The following AOPEP variants were observed in gnomAD, a reference collection of about 807,000 sequenced individuals.
AOPEP encodes aminopeptidase O (putative).
Under a neutral mutation model 98.1 loss-of-function variants are expected in AOPEP, and 77 were observed. The ratio of observed to expected loss-of-function variants is 0.78; its 90% CI spans 0.65 to 0.95. The LOEUF is 0.95. AOPEP is among the 40% of genes least tolerant of loss of function. The pLI is 0.00. For missense variants in AOPEP, 1,024 were observed against 1,024.7 expected (o/e 1.00, Z 0.01); for synonymous variants, 346 against 365.3 (o/e 0.95, Z 0.60).
At chr9:95,015,323 T>C (rs2062884975) in intron 13 of AOPEP, among the ~76,000 whole-genome samples, 1 of 152,224 alleles carries the variant, frequency 6.6e-6, no homozygotes, top group Non-Finnish European at 1.5e-5. Context: ...GTTTTGCAAG[T>C]AAAGCTGGAA....
At chr9:94,728,622 A>G (rs1160204954) in intron 1 of AOPEP, among the ~76,000 whole-genome samples, 1 of 152,198 alleles carries the variant, frequency 6.6e-6, no homozygotes. Flanking sequence ...AGAGACTGGA[A>G]CATTCACATT....
At chr9:95,038,976 A>G (rs1040327767) in intron 13 of AOPEP, among the ~76,000 whole-genome samples, 6 of 152,158 alleles carry the variant, frequency 3.9e-5, no homozygotes, top group African/African-American at 1.2e-4. Context: ...AAATTTGGCA[A>G]TCGAAATGAT....
chr9:95,045,906 T>A (rs972734497), intron 13 of AOPEP, among the ~76,000 whole-genome samples: 5 of 152,144 alleles, frequency 3.3e-5, no homozygotes, highest in Non-Finnish European at 7.4e-5. Flanking sequence ...GTTCGGGGAT[T>A]TGCTTTGGAA....
At chr9:94,952,618 C>T (rs990608356) in intron 7 of AOPEP, among the ~76,000 whole-genome samples, 3 of 152,182 alleles carry the variant, frequency 2.0e-5, no homozygotes, top group Non-Finnish European at 4.4e-5. Context: ...TTCTCCGGTA[C>T]TTTGTCTCTC....
Position 95,030,885 on chromosome 9 carries a change from T to G in AOPEP, c.2115+25269T>G, listed in dbSNP as rs544824355. On this transcript the variant is annotated intron_variant, in intron 13 of 16. Transcript: ENST00000375315. ...CTGAAATGGATACTCAACTTATTTC[T>G]AAGAAACATGCAGTTACACAGCTGT... 1.4e-3 allele frequency among the ~76,000 whole-genome samples: 214 copies of G among 152,378 alleles called. 2 individuals are homozygous for G. The highest frequency in any genetic ancestry group is 4.9e-3 in the African/African-American group (204 of 41,592).
At chr9:95,108,909 CT>C in the AOPEP span, among the ~76,000 whole-genome samples, 51,608 of 144,078 alleles carry the variant, frequency 0.36, 9,015 homozygotes, top group East Asian at 0.56. Flanking sequence ...TCTTCAAGAC[CT>C]TTTTTTTTTT....
At chr9:94,835,933 C>G (rs2041545976) in intron 5 of AOPEP, among the ~76,000 whole-genome samples, 1 of 152,150 alleles carries the variant, frequency 6.6e-6, no homozygotes, top group Admixed American at 6.5e-5. Context: ...ATCCCTATAC[C>G]TCTCCATACC....
chr9:94,747,381 G>A (rs79654060), intron 1 of AOPEP, among the ~76,000 whole-genome samples: 8,513 of 152,220 alleles, frequency 0.056, 360 homozygotes, highest in South Asian at 0.11. Flanking sequence ...GAGTTTTGTA[G>A]TGAAAGACCC....
At chr9:94,766,149 T>G (rs73532340) in intron 2 of AOPEP, among the ~76,000 whole-genome samples, 1,690 of 152,318 alleles carry the variant, frequency 0.011, 29 homozygotes, top group African/African-American at 0.038. Context: ...AAATAAACTT[T>G]TAAAATGGAA....
chr9:95,008,118 G>A (rs930824075), intron 13 of AOPEP, among the ~76,000 whole-genome samples: 2 of 152,010 alleles, frequency 1.3e-5, no homozygotes, highest in East Asian at 1.9e-4. Context: ...GTCATTTCTG[G>A]TAGATGCCGC....
chr9:94,770,850 G>A (rs1840700307), intron 2 of AOPEP, among the ~76,000 whole-genome samples: 1 of 152,086 alleles, frequency 6.6e-6, no homozygotes, highest in Non-Finnish European at 1.5e-5. Flanking sequence ...CACAGATCTG[G>A]TACAGTATGG....
the AOPEP span, among the ~76,000 whole-genome samples, chr9:95,149,222 A>G: frequency 6.6e-6 from 1 of 152,308 alleles, no homozygotes; most frequent in African/African-American, 2.4e-5. Flanking sequence ...TAAGGGTTTA[A>G]CAGATTTTTA....
At chr9:95,145,803 C>T in the AOPEP span, among the ~76,000 whole-genome samples, 5 of 152,134 alleles carry the variant, frequency 3.3e-5, no homozygotes, top group Admixed American at 6.5e-5. Context: ...GGCACGCACC[C>T]TTTATCACAC....
In AOPEP at chr9:95,023,675, T is replaced by A. The variant is rs2063630618; in HGVS notation, c.2115+18059T>A. On this transcript the variant is annotated intron_variant, in intron 13 of 16. Transcript: ENST00000375315. ...ATTCCAGAAACCTTTCAACAACAAGTGTTGAGATCTCCCCTGACCCCCGCC... is the reference window on the plus strand; with the variant it reads ...ATTCCAGAAACCTTTCAACAACAAGAGTTGAGATCTCCCCTGACCCCCGCC... Among the ~76,000 whole-genome samples the A allele has an allele frequency of 2.0e-5, 3 of 152,176 alleles. No homozygotes were observed. The South Asian group carries it at 6.2e-4, about 32-fold the overall frequency.
chr9:94,956,341 G>A (rs1183564970), intron 9 of AOPEP, among the ~76,000 whole-genome samples: 2 of 152,156 alleles, frequency 1.3e-5, no homozygotes, highest in Admixed American at 6.5e-5. Context: ...CAGTTTGAAC[G>A]CCACAGGCTC....
At chr9:94,802,107 A>G (rs2133776929) in intron 5 of AOPEP, among the ~76,000 whole-genome samples, 1 of 152,320 alleles carries the variant, frequency 6.6e-6, no homozygotes, top group South Asian at 2.1e-4. Context: ...GGATAATTAT[A>G]TATATTTGGT....
At chr9:95,100,771 C>T in the AOPEP span, 1 of 225,566 alleles carries the variant, frequency 4.4e-6, no homozygotes, top group South Asian at 1.8e-4. Context: ...GCTGGGATTA[C>T]AGATGCATGC....
At chr9:94,756,230 A>C (rs1164313143) in intron 1 of AOPEP, among the ~76,000 whole-genome samples, 1 of 147,746 alleles carries the variant, frequency 6.8e-6, no homozygotes, top group Non-Finnish European at 1.5e-5. Context: ...ACTGGGTGAC[A>C]GAGCAAGACT....
the AOPEP span, among the ~76,000 whole-genome samples, chr9:95,092,297 C>G: frequency 1.3e-5 from 2 of 152,236 alleles, no homozygotes; most frequent in Admixed American, 1.3e-4. Flanking sequence ...CTGTAAAGAC[C>G]AGAGCCTCCC....
Sources: gnomAD v4.1 joint callset for allele counts (sites outside exome capture counted in the v4.1 genomes callset) on GRCh38, gnomAD v4.1.1 for gene constraint, MANE v1.5 for transcripts, NCBI Gene and HGNC (gene_info 2026-07-23, HGNC 2026-07-21) for gene names.